CAPZB: variants seen among roughly 807,000 people sequenced by gnomAD.
CAPZB encodes F-actin-capping protein subunit beta.
CAPZB carries 2 observed loss-of-function variants against 38.1 expected under a neutral mutation model. The observed-to-expected ratio is 0.05, with a 90% confidence interval of 0.02 to 0.17. The LOEUF is 0.17. Among genes scored for constraint, CAPZB ranks in the 10% least tolerant of loss-of-function variants. The pLI is 1.00. For synonymous variants in CAPZB, 107 were observed against 127.4 expected (o/e 0.84, Z 1.08); for missense variants, 161 against 334.2 (o/e 0.48, Z 4.04).
chr1:19,426,761 T>C (rs2094424376), intron 1 of CAPZB, among the ~76,000 whole-genome samples: 1 of 152,204 alleles, frequency 6.6e-6, no homozygotes, highest in Non-Finnish European at 1.5e-5. Context: ...GCCAAGGCCC[T>C]CCTGAACTCC....
intron 2 of CAPZB, among the ~76,000 whole-genome samples, chr1:19,399,747 AG>A (rs1463400930): frequency 6.6e-6 from 1 of 152,208 alleles, no homozygotes; most frequent in African/African-American, 2.4e-5. Context: ...GCTTAAAAAA[AG>A]GGCTGTACCA....
chr1:19,431,467 A>C lies in CAPZB; in HGVS notation c.4-11717T>G, dbSNP rs536640321. Among the ~76,000 whole-genome samples the C allele has an allele frequency of 7.5e-4, 114 of 152,320 alleles. 2 individuals are homozygous for C. Among genetic ancestry groups the C allele is most frequent in the Admixed American group, 7.4e-3 (114 of 15,304 alleles). ...GTAATCCCAGCACTTTGGGAGGCCA[A>C]GGTGGGTGGAGATCAGGAGATCAAG... is the stretch of plus-strand genomic sequence containing the variant. On this transcript the variant is annotated intron_variant, in intron 1 of 8. Transcript: ENST00000264202.
At chr1:19,377,797 C>T (rs2094151247) in intron 4 of CAPZB, among the ~76,000 whole-genome samples, 1 of 152,200 alleles carries the variant, frequency 6.6e-6, no homozygotes, top group Non-Finnish European at 1.5e-5. Context: ...AATTAAGTGA[C>T]ATGTTGGTGC....
At chr1:19,423,057 C>T (rs35911585) in intron 1 of CAPZB, among the ~76,000 whole-genome samples, 66,549 of 151,654 alleles carry the variant, frequency 0.44, 15,190 homozygotes, top group African/African-American at 0.56. Context: ...CGCAAGGGGC[C>T]GGACAGTCCT....
At chr1:19,445,728 G>C (rs1259420326) in intron 1 of CAPZB, among the ~76,000 whole-genome samples, 2 of 152,226 alleles carry the variant, frequency 1.3e-5, no homozygotes, top group Non-Finnish European at 2.9e-5. Flanking sequence ...GCAAATGGAT[G>C]CAGGAGGTGT....
intron 1 of CAPZB, among the ~76,000 whole-genome samples, chr1:19,441,615 G>A (rs1292045648): frequency 1.3e-5 from 2 of 151,528 alleles, no homozygotes; most frequent in Non-Finnish European, 2.9e-5. Flanking sequence ...AACTGAAGAA[G>A]CATCACATCA....
intron 1 of CAPZB, among the ~76,000 whole-genome samples, chr1:19,453,567 G>A (rs892812956): frequency 1.8e-4 from 28 of 152,194 alleles, no homozygotes; most frequent in Middle Eastern, 3.4e-3. Flanking sequence ...GGCCACCAGC[G>A]CCTCTTTCTA....
At chr1:19,482,300 T>G (rs1015671813) in intron 1 of CAPZB, among the ~76,000 whole-genome samples, 1 of 152,232 alleles carries the variant, frequency 6.6e-6, no homozygotes, top group Non-Finnish European at 1.5e-5. Flanking sequence ...CAGGGCTGTA[T>G]AGACAGACAA....
chr1:19,398,105 C>A (rs1033134257), intron 2 of CAPZB, among the ~76,000 whole-genome samples: 1 of 152,238 alleles, frequency 6.6e-6, no homozygotes, highest in South Asian at 2.1e-4. Context: ...GCAATGGCAA[C>A]GCAGGGGATA....
At chr1:19,409,512 C>T (rs2094348283) in intron 2 of CAPZB, among the ~76,000 whole-genome samples, 1 of 152,212 alleles carries the variant, frequency 6.6e-6, no homozygotes, top group South Asian at 2.1e-4. Context: ...ATGTAGCCAG[C>T]TCTTTCTTCT....
At chr1:19,484,107 CAA>C in intron 1 of CAPZB, 6 of 1,471,008 alleles carry the variant, frequency 4.1e-6, no homozygotes, top group Non-Finnish European at 5.5e-6. Flanking sequence ...CCAGGTTCCT[CAA>C]AAGTCTGGAT....
At chr1:19,448,228 T>C (rs2094502972) in intron 1 of CAPZB, among the ~76,000 whole-genome samples, 1 of 152,252 alleles carries the variant, frequency 6.6e-6, no homozygotes, top group Non-Finnish European at 1.5e-5. Flanking sequence ...CCCGCTTCTC[T>C]CCAGGCACTG....
In CAPZB at chr1:19,426,557, C is replaced by T. The variant is rs74919825; in HGVS notation, c.4-6807G>A. On this transcript the variant is annotated intron_variant, in intron 1 of 8. Transcript: ENST00000264202. ...ACTTGTGAGCCCACAAGAGACAACG[C>T]GGCTTCTCCCTGCCTGCTAAACACA... Among the ~76,000 whole-genome samples the T allele has an allele frequency of 7.4e-4, 113 of 152,246 alleles. 2 individuals are homozygous for T. In the East Asian group the frequency reaches 0.02, roughly 26 times the overall value.
At chr1:19,369,884 G>T (rs576742611) in intron 4 of CAPZB, among the ~76,000 whole-genome samples, 2 of 152,126 alleles carry the variant, frequency 1.3e-5, no homozygotes, top group Non-Finnish European at 2.9e-5. Context: ...CGTTTCCAGC[G>T]GTGGAAAAAG....
At chr1:19,366,734 G>A (rs865997892) in intron 4 of CAPZB, among the ~76,000 whole-genome samples, 2 of 152,208 alleles carry the variant, frequency 1.3e-5, no homozygotes, top group African/African-American at 4.8e-5. Flanking sequence ...CAAGCTCCAT[G>A]ACTGATTTTA....
intron 4 of CAPZB, among the ~76,000 whole-genome samples, chr1:19,364,730 C>G (rs1172064829): frequency 6.6e-6 from 1 of 152,212 alleles, no homozygotes; most frequent in Non-Finnish European, 1.5e-5. Context: ...TCTTGGCAAA[C>G]AGGCTACTCC....
At chr1:19,415,643 G>A (rs1415593781) in intron 2 of CAPZB, among the ~76,000 whole-genome samples, 3 of 152,196 alleles carry the variant, frequency 2.0e-5, no homozygotes, top group Non-Finnish European at 4.4e-5. Context: ...TATGAGCATC[G>A]CACGTAGCGA....
chr1:19,419,516 T>G lies in CAPZB; in HGVS notation c.93+145A>C, dbSNP rs1363713899. 5.0e-6 allele frequency: 3 copies of G among 602,636 alleles called. No homozygotes were observed. In the East Asian group the frequency reaches 8.5e-5, roughly 17 times the overall value. 37.3% of individuals were successfully genotyped at this position (602,636 alleles called of 1,614,324 possible). On this transcript the variant is annotated intron_variant, in intron 2 of 8. Transcript: ENST00000264202. ...ATATGAAATCCATCTTCTCTCTGCCTGGAGGAATCTCATAGTCCAGTGGCA... is the reference window on the plus strand; with the variant it reads ...ATATGAAATCCATCTTCTCTCTGCCGGGAGGAATCTCATAGTCCAGTGGCA...
At chr1:19,340,077 G>A (rs1371788545) in intron 8 of CAPZB, among the ~76,000 whole-genome samples, 1 of 152,212 alleles carries the variant, frequency 6.6e-6, no homozygotes, top group Admixed American at 6.5e-5. Context: ...GGACTCCGGG[G>A]CCATGCGGGT....
Sources: gnomAD v4.1 joint callset for allele counts (sites outside exome capture counted in the v4.1 genomes callset) on GRCh38, gnomAD v4.1.1 for gene constraint, MANE v1.5 for transcripts, NCBI Gene and HGNC (gene_info 2026-07-23, HGNC 2026-07-21) for gene names.